CELF5: variants seen among roughly 807,000 people sequenced by gnomAD.
CELF5 encodes CUGBP Elav-like family member 5, also known as CUG-BP and ETR-3 like factor 5.
A neutral mutation model predicts 54.9 loss-of-function variants in CELF5; 6 were observed. The ratio of observed to expected loss-of-function variants is 0.11; its 90% CI spans 0.06 to 0.22. The LOEUF (loss-of-function observed/expected upper bound fraction) is 0.22, where lower values mean the gene tolerates loss of function less well. Ranked by LOEUF, CELF5 falls within the 10% of genes least tolerant of loss-of-function variation. The pLI, the probability that CELF5 is intolerant of heterozygous loss-of-function variation, is 1.00. For synonymous variants in CELF5, 271 were observed against 290.9 expected, an observed-to-expected ratio of 0.93 and a Z score of 0.70; for missense variants, 401 against 678.6, an observed-to-expected ratio of 0.59 and a Z score of 4.54.
At chr19:3,248,640 G>A (rs968121355) in intron 1 of CELF5, among the ~76,000 whole-genome samples, 6 of 152,004 alleles carry the variant, frequency 3.9e-5, no homozygotes, top group African/African-American at 9.7e-5. Context: ...GGTTGCTTCC[G>A]CCTTCCGGCC....
At position 3,282,218 on chromosome 19, in the gene CELF5, C is replaced by T. The variant is rs143258352; in HGVS notation, c.843C>T (p.Gly281=). 173 of 1,613,766 alleles carry T rather than the reference C, an allele frequency of 1.1e-4. 1 individual carries two copies. The East Asian group carries it at 3.6e-3, about 33-fold the overall frequency. The change falls in exon 7 of 13, where the codon GGC becomes GGT. Residue 281 remains glycine, a synonymous_variant. Transcript: ENST00000292672. This position sits in a 1 kb window ranked among gnomAD's most constrained non-coding sequence, Gnocchi z 5.2. ...CACCCTGTCACATCCAGCAGATAGG[C>T]GCCGTCAGCCTCAACGGGCTGCCTG... ...AFSPCHIQQI[G]AVSLNGLPAT...
intron 2 of CELF5, among the ~76,000 whole-genome samples, chr19:3,259,092 G>A (rs2079771877): frequency 6.6e-6 from 1 of 152,154 alleles, no homozygotes; most frequent in African/African-American, 2.4e-5. Context: ...GGGATGAGTC[G>A]AGAGATGGAA....
intron 2 of CELF5, among the ~76,000 whole-genome samples, chr19:3,258,166 C>T (rs1175352789): frequency 6.6e-6 from 1 of 152,060 alleles, no homozygotes; most frequent in African/African-American, 2.4e-5. Flanking sequence ...CCATGTTGGC[C>T]AGACTGGTCT....
chr19:3,266,934 C>G (rs1022653017), intron 2 of CELF5, among the ~76,000 whole-genome samples: 22 of 152,318 alleles, frequency 1.4e-4, no homozygotes, highest in African/African-American at 5.1e-4. Flanking sequence ...AAAGCCCACC[C>G]AGGCGGCTCA....
chr19:3,271,801 C>T (rs1202613328), intron 2 of CELF5, among the ~76,000 whole-genome samples: 1 of 151,852 alleles, frequency 6.6e-6, no homozygotes, highest in African/African-American at 2.4e-5. Flanking sequence ...GGGCACGGAG[C>T]TGGAACGGGT....
At chr19:3,252,462 T>C (rs765092192) in intron 2 of CELF5, among the ~76,000 whole-genome samples, 1 of 152,144 alleles carries the variant, frequency 6.6e-6, no homozygotes, top group African/African-American at 2.4e-5. Flanking sequence ...TGATGGAGAC[T>C]GAAGGAACCA....
chr19:3,275,769 G>A lies in CELF5; in HGVS notation c.395-87G>A, dbSNP rs903007860. 152 of 1,416,632 alleles carry A rather than the reference G, an allele frequency of 1.1e-4. No homozygotes were observed. The highest frequency in any genetic ancestry group is 1.3e-4 in the Non-Finnish European group (141 of 1,055,652). 87.8% of individuals were successfully genotyped at this position (1,416,632 alleles called of 1,614,324 possible). ...GGGCGCCGCGTCTTCCTGCCCTGCC[G>A]CCTCCACTCTGCTGGAGGGAGGGAG... On this transcript the variant is annotated intron_variant, in intron 3 of 12. Coordinates refer to ENST00000292672, the MANE Select transcript of CELF5 (RefSeq NM_021938.4). This position sits in a 1 kb window ranked among gnomAD's most constrained non-coding sequence, Gnocchi z 6.7.
intron 12 of CELF5, chr19:3,295,392 A>G (rs2080420021): frequency 6.6e-6 from 1 of 151,980 alleles, no homozygotes; most frequent in South Asian, 2.1e-4. Context: ...TATAGACAGT[A>G]TATATATATT....
intron 1 of CELF5, among the ~76,000 whole-genome samples, chr19:3,249,094 G>T (rs868802276): frequency 6.6e-6 from 1 of 151,910 alleles, no homozygotes; most frequent in Non-Finnish European, 1.5e-5. Flanking sequence ...CCAGCAGGTG[G>T]CCACTTTAAT....
intron 1 of CELF5, among the ~76,000 whole-genome samples, chr19:3,240,009 CT>C (rs61659054): frequency 0.17 from 24,544 of 143,506 alleles, 2,305 homozygotes; most frequent in East Asian, 0.43. Context: ...CTGCAACACA[CT>C]TTTTTTTTTT....
chr19:3,246,295 GGA>G, intron 1 of CELF5, among the ~76,000 whole-genome samples: 1 of 151,854 alleles, frequency 6.6e-6, no homozygotes, highest in African/African-American at 2.4e-5. Context: ...ACCCAGGAGG[GGA>G]AGGTTGCAGT....
intron 1 of CELF5, among the ~76,000 whole-genome samples, chr19:3,242,380 C>CA (rs1025259631): frequency 4.6e-5 from 7 of 151,494 alleles, no homozygotes; most frequent in East Asian, 2.0e-4. Context: ...CTAAAAAATA[C>CA]AAAAAATTGG....
intron 2 of CELF5, among the ~76,000 whole-genome samples, chr19:3,260,454 T>A (rs1036406896): frequency 2.6e-5 from 4 of 151,602 alleles, no homozygotes; most frequent in Non-Finnish European, 4.4e-5. Context: ...TGTATGTATT[T>A]TATTTTATTT....
chr19:3,260,607 A>C (rs977753967), intron 2 of CELF5, among the ~76,000 whole-genome samples: 1 of 147,412 alleles, frequency 6.8e-6, no homozygotes, highest in Non-Finnish European at 1.5e-5. Flanking sequence ...GGTGTGTGCC[A>C]CCACACCTGG....
chr19:3,245,771 C>G (rs1049388635), intron 1 of CELF5, among the ~76,000 whole-genome samples: 1 of 152,056 alleles, frequency 6.6e-6, no homozygotes, highest in African/African-American at 2.4e-5. Context: ...ACAACGGCAA[C>G]AGGAAAGATG....
At chr19:3,289,164 T>A (rs1329607675) in intron 10 of CELF5, among the ~76,000 whole-genome samples, 1 of 152,214 alleles carries the variant, frequency 6.6e-6, no homozygotes, top group Non-Finnish European at 1.5e-5. Context: ...TCTTTTTATT[T>A]CACCTGATTT....
intron 1 of CELF5, among the ~76,000 whole-genome samples, chr19:3,245,959 C>T (rs373314721): frequency 5.9e-5 from 9 of 152,270 alleles, no homozygotes; most frequent in African/African-American, 2.2e-4. Context: ...TAATAGAGCC[C>T]GACATAGGCA....
intron 2 of CELF5, among the ~76,000 whole-genome samples, chr19:3,255,045 A>G (rs1409676157): frequency 6.6e-6 from 1 of 152,114 alleles, no homozygotes; most frequent in Admixed American, 6.6e-5. Context: ...CCAAATTTTT[A>G]TCAAGCACCT....
intron 1 of CELF5, among the ~76,000 whole-genome samples, chr19:3,244,416 G>C (rs967524812): frequency 6.7e-6 from 1 of 149,692 alleles, no homozygotes; most frequent in South Asian, 2.1e-4. Context: ...TTGTGTGTAT[G>C]TGTGTGTAGT....
Sources: gnomAD v4.1 joint callset for allele counts (sites outside exome capture counted in the v4.1 genomes callset) on GRCh38, gnomAD v4.1.1 for gene constraint, Gnocchi (gnomAD v3.1) non-coding constraint, MANE v1.5 for transcripts, NCBI Gene and HGNC (gene_info 2026-07-23, HGNC 2026-07-21) for gene names.